The following TMEM132D variants were observed in gnomAD, a reference collection of about 807,000 sequenced individuals.
TMEM132D encodes the protein mature OL transmembrane protein.
Under a neutral mutation model 62.3 loss-of-function variants are expected in TMEM132D, and 21 were observed. That is an observed-to-expected ratio of 0.34 (90% CI 0.24 to 0.49). The LOEUF is 0.49. Among genes scored for constraint, TMEM132D ranks in the 20% least tolerant of loss-of-function variants. The pLI is 0.99. For missense variants in TMEM132D, 1,346 were observed against 1,402.8 expected, an observed-to-expected ratio of 0.96 and a Z score of 0.65; for synonymous variants, 621 against 575.6, an observed-to-expected ratio of 1.08 and a Z score of -1.13.
intron 3 of TMEM132D, among the ~76,000 whole-genome samples, chr12:129,383,459 G>T (rs936995589): frequency 4.6e-5 from 7 of 152,064 alleles, no homozygotes; most frequent in African/African-American, 1.7e-4. Context: ...TAATCTTTTT[G>T]TTGTTATTGA....
rs571923864 is a variant in TMEM132D, at chr12:129,790,902, TAAC to T, written c.80-90207_80-90205del. On this transcript the variant is annotated intron_variant, in intron 1 of 8. Coordinates refer to ENST00000422113, the MANE Select transcript of TMEM132D (RefSeq NM_133448.3). ...AATAGATGTTCTTTAAAATGCCTTT[TAAC>T]AACTCTACAAATATTCAGGCTATCT... 1.8e-3 allele frequency among the ~76,000 whole-genome samples: 273 copies of T among 152,358 alleles called. 1 individual carries two copies. Among genetic ancestry groups the T allele is most frequent in the African/African-American group, 6.3e-3 (262 of 41,588 alleles).
chr12:129,881,350 T>C (rs1434434012), intron 1 of TMEM132D, among the ~76,000 whole-genome samples: 4 of 151,950 alleles, frequency 2.6e-5, no homozygotes. Flanking sequence ...AACCAACTCA[T>C]CTAATTGACA....
intron 3 of TMEM132D, among the ~76,000 whole-genome samples, chr12:129,413,384 G>A (rs1044113678): frequency 1.3e-5 from 2 of 152,134 alleles, no homozygotes; most frequent in African/African-American, 2.4e-5. Context: ...CTATGATTGT[G>A]AGACCTCCCC....
intron 1 of TMEM132D, among the ~76,000 whole-genome samples, chr12:129,731,558 C>G (rs1490889286): frequency 1.3e-5 from 2 of 152,016 alleles, no homozygotes; most frequent in Non-Finnish European, 2.9e-5. Context: ...TGAATAACAG[C>G]AAGGAGATCC....
intron 4 of TMEM132D, among the ~76,000 whole-genome samples, chr12:129,250,068 A>G (rs1445231697): frequency 1.3e-5 from 2 of 152,182 alleles, no homozygotes; most frequent in African/African-American, 4.8e-5. Context: ...GCAAGGAGGT[A>G]GGCTGGGTGC....
At chr12:129,638,221 G>T (rs959179457) in intron 2 of TMEM132D, among the ~76,000 whole-genome samples, 1 of 152,128 alleles carries the variant, frequency 6.6e-6, no homozygotes, top group Admixed American at 6.5e-5. Flanking sequence ...TATTAATTTG[G>T]TCTGTTTGGT....
intron 8 of TMEM132D, among the ~76,000 whole-genome samples, chr12:129,077,716 A>C (rs1203813540): frequency 6.6e-6 from 1 of 151,528 alleles, no homozygotes; most frequent in Non-Finnish European, 1.5e-5. Context: ...CACACATACA[A>C]ACAACAAATA....
chr12:129,403,160 A>G (rs1201099942), intron 3 of TMEM132D, among the ~76,000 whole-genome samples: 1 of 150,694 alleles, frequency 6.6e-6, no homozygotes, highest in East Asian at 2.0e-4. Context: ...TTCCAAACCA[A>G]CTCAGTGCCC....
At chr12:129,605,713 T>C (rs979505470) in intron 2 of TMEM132D, among the ~76,000 whole-genome samples, 3 of 151,544 alleles carry the variant, frequency 2.0e-5, no homozygotes, top group Non-Finnish European at 4.4e-5. Context: ...CAAATATTCA[T>C]GTGGAAACCT....
intron 3 of TMEM132D, among the ~76,000 whole-genome samples, chr12:129,373,081 A>G (rs754311511): frequency 3.3e-5 from 5 of 152,124 alleles, no homozygotes; most frequent in Admixed American, 6.5e-5. Context: ...ATAACACACT[A>G]TTGCAAATAC....
At chr12:129,871,314 A>T (rs1874234208) in intron 1 of TMEM132D, among the ~76,000 whole-genome samples, 1 of 152,252 alleles carries the variant, frequency 6.6e-6, no homozygotes, top group Middle Eastern at 3.4e-3. Context: ...GTTGACTGTC[A>T]TCTTGATATC....
chr12:129,335,990 G>T (rs759494903), intron 4 of TMEM132D, among the ~76,000 whole-genome samples: 1 of 152,218 alleles, frequency 6.6e-6, no homozygotes, highest in Non-Finnish European at 1.5e-5. Context: ...GTTGGACCAT[G>T]AGGTAATCAT....
At chr12:129,584,602 C>T (rs1159549978) in intron 2 of TMEM132D, among the ~76,000 whole-genome samples, 1 of 152,228 alleles carries the variant, frequency 6.6e-6, no homozygotes, top group Non-Finnish European at 1.5e-5. Flanking sequence ...TTTATCGCAC[C>T]TCTGCCATCC....
chr12:129,568,138 C>T (rs1877418439), intron 2 of TMEM132D, among the ~76,000 whole-genome samples: 1 of 152,230 alleles, frequency 6.6e-6, no homozygotes, highest in African/African-American at 2.4e-5. Context: ...TCTGAGGATA[C>T]AGCAGCTTCC....
chr12:129,325,894 A>G (rs1868893089), intron 4 of TMEM132D, among the ~76,000 whole-genome samples: 1 of 152,262 alleles, frequency 6.6e-6, no homozygotes, highest in Admixed American at 6.5e-5. Flanking sequence ...GACACTGTCC[A>G]GTGGACACCA....
chr12:129,101,371 C>T (rs1469609118), intron 5 of TMEM132D, among the ~76,000 whole-genome samples: 1 of 152,206 alleles, frequency 6.6e-6, no homozygotes, highest in Non-Finnish European at 1.5e-5. Flanking sequence ...AGAGATGTGC[C>T]ACCATGGCTT....
At chr12:129,841,809 G>A (rs932636945) in intron 1 of TMEM132D, among the ~76,000 whole-genome samples, 1 of 151,914 alleles carries the variant, frequency 6.6e-6, no homozygotes, top group Non-Finnish European at 1.5e-5. Context: ...GAATAAATGG[G>A]TTCTAGTCCT....
At position 129,074,557 on chromosome 12, in the gene TMEM132D, T is replaced by A. The variant is rs763977352; in HGVS notation, c.2618A>T (p.Asp873Val). The change falls in exon 9 of 9, where the codon GAT (aspartate) becomes GTT (valine). Residue 873 changes from aspartate to valine, a missense_variant. Asp to Val is a radical substitution (Grantham distance 152). Coordinates refer to ENST00000422113, the MANE Select transcript of TMEM132D (RefSeq NM_133448.3). ...GATGGTCTGCAAGTGGCTGTTGTCA[T>A]CTAAAAGGCTTTCCTGGCCTTTCTT... ...QKKKGQESLL[D>V]DNSHLQTIPS... is the part of the protein sequence containing the mutation. The A allele has an allele frequency of 1.1e-5, 17 of 1,613,952 alleles. No homozygotes were observed.
At chr12:129,790,967 G>T (rs2137298493) in intron 1 of TMEM132D, among the ~76,000 whole-genome samples, 1 of 152,322 alleles carries the variant, frequency 6.6e-6, no homozygotes, top group African/African-American at 2.4e-5. Context: ...TCAATGGAAA[G>T]AAATTGAAAG....
Sources: allele counts gnomAD v4.1 joint callset (sites outside exome capture counted in the v4.1 genomes callset), GRCh38; gene constraint gnomAD v4.1.1; transcripts MANE v1.5; gene names NCBI Gene and HGNC (gene_info 2026-07-23, HGNC 2026-07-21).